SMARCC2: variants seen among roughly 807,000 people sequenced by gnomAD.
SMARCC2 encodes the protein SWI/SNF related BAF chromatin remodeling complex subunit C2.
In SMARCC2, 15 loss-of-function variants were observed where a neutral mutation model predicts 151.3. That is an observed-to-expected ratio of 0.10 (90% confidence interval 0.07 to 0.15). The LOEUF (loss-of-function observed/expected upper bound fraction) is 0.15, where lower values mean the gene tolerates loss of function less well. SMARCC2 is among the 10% of genes least tolerant of loss of function. SMARCC2 has a pLI of 1.00. For synonymous variants in SMARCC2, 590 were observed against 609.5 expected, an observed-to-expected ratio of 0.97 and a Z score of 0.47; for missense variants, 1,031 against 1,599.7, an observed-to-expected ratio of 0.64 and a Z score of 6.06.
At chr12:56,189,054 G>C (rs1592334129) in intron 1 of SMARCC2, among the ~76,000 whole-genome samples, 1 of 152,084 alleles carries the variant, frequency 6.6e-6, no homozygotes, top group Middle Eastern at 3.4e-3. Context: ...AAAGCCAGGA[G>C]GGCGATGGCT....
chr12:56,167,146 G>A (rs1218799206), intron 26 of SMARCC2, among the ~76,000 whole-genome samples: 2 of 150,848 alleles, frequency 1.3e-5, no homozygotes, highest in Non-Finnish European at 2.9e-5. Context: ...GAGATCGGGA[G>A]TTCGAGACCA....
rs1365686398 is a variant in SMARCC2, at chr12:56,163,013, A to G, written c.*676T>C. 6.6e-6 allele frequency: 1 copy of G among 152,356 alleles called. No homozygotes were observed. The highest frequency in any genetic ancestry group is 2.4e-5 in the African/African-American group (1 of 41,446). The allele number at this position is 152,356 out of a possible 1,614,324, so 9.4% of individuals were successfully genotyped here. ...AGTGACTTTTAAAAACAAAACTGAC[A>G]TTCAGAGGGAAAGGAATCATTGGCT... On this transcript the variant is annotated 3_prime_UTR_variant, in exon 29 of 29. Transcript: ENST00000550164.
chr12:56,164,767 A>T, intron 27 of SMARCC2, 36 bp from the exon 28 acceptor site: 1 of 1,511,484 alleles, frequency 6.6e-7, no homozygotes, highest in Non-Finnish European at 8.9e-7. Flanking sequence ...AAAATTAGGT[A>T]TAAAATTTTG....
intron 26 of SMARCC2, 23 bp from the exon 27 acceptor site, chr12:56,165,722 G>A: frequency 6.2e-7 from 1 of 1,603,044 alleles, no homozygotes; most frequent in South Asian, 1.1e-5. Flanking sequence ...ATTGAGTATT[G>A]TTATCCAATT....
In SMARCC2 at chr12:56,181,508, T is replaced by C; in HGVS notation, c.930A>G (p.Glu310=). Reference sequence around the variant, plus strand: ...CTTTCTTAGCATTTTTCTTCTTTGCTTCTGGGGTTGGTGAAGGAGAGGGGG... The same window carrying C: ...CTTTCTTAGCATTTTTCTTCTTTGCCTCTGGGGTTGGTGAAGGAGAGGGGG... ...KRSPSPSPTP[E]AKKKNAKKGP... The change falls in exon 10 of 29, where the codon GAA becomes GAG. Residue 310 remains glutamate, a synonymous_variant. Coordinates refer to ENST00000550164, the MANE Select transcript of SMARCC2 (RefSeq NM_001330288.2). 6.4e-7 allele frequency: 1 copy of C among 1,554,804 alleles called. No homozygotes were observed. The highest frequency in any genetic ancestry group is 8.7e-7 in the Non-Finnish European group (1 of 1,155,506).
In SMARCC2 at chr12:56,179,020, T is replaced by C. The variant is rs761745452; in HGVS notation, c.1118A>G (p.Lys373Arg). The C allele has an allele frequency of 6.2e-7, 1 of 1,614,192 alleles. No homozygotes were observed. Among genetic ancestry groups the C allele is most frequent in the South Asian group, 1.1e-5 (1 of 91,082 alleles). The change falls in exon 12 of 29, where the codon AAA (lysine) becomes AGA (arginine). Residue 373 changes from lysine to arginine, a missense_variant. Around this residue, in one of 12 missense-constraint regions of SMARCC2, gnomAD observed 127 missense variants for 141.7 expected, o/e 0.90. Transcript: ENST00000550164. Reference protein sequence around the residue: ...TKKDSESAPVKGGTMTDLDEQ... With the variant: ...TKKDSESAPVRGGTMTDLDEQ... ...ACCCAGGTCGGTCATGGTGCCGCCT[T>C]TGACTGGGGCCGACTCTGAGTCTTT...
intron 26 of SMARCC2, among the ~76,000 whole-genome samples, chr12:56,167,283 C>T (rs1445668480): frequency 2.6e-5 from 4 of 151,472 alleles, no homozygotes; most frequent in Non-Finnish European, 5.9e-5. Context: ...AGGAGGCGGA[C>T]GTTGTGGTGA....
At position 56,163,740 on chromosome 12, in the gene SMARCC2, G is replaced by T. The variant is rs544080346; in HGVS notation, c.3687C>A (p.Asp1229Glu). 1.3e-6 allele frequency: 2 copies of T among 1,513,752 alleles called. No individual in the cohort carries two copies. Among genetic ancestry groups the T allele is most frequent in the Non-Finnish European group, 1.8e-6 (2 of 1,141,938 alleles). 93.8% of individuals were successfully genotyped at this position (1,513,752 alleles called of 1,614,324 possible). A position where few individuals can be genotyped will look rare whatever the true frequency, so the allele number is the denominator to read the frequency against. The change falls in exon 29 of 29, where the codon GAC becomes GAA. Residue 1229 changes from aspartate to glutamate, a missense_variant. By Grantham distance (45) the Asp-to-Glu change is conservative. Transcript: ENST00000550164. ...CCGTGCCTGGGCTCGGGGCTGTGGG[G>T]TCTGGAGGCAGGGGGGTGCCTGGGT... is the stretch of plus-strand genomic sequence containing the variant. Reference protein sequence around the residue: ...LPDPGTPLPPDPTAPSPGTVT... With the variant: ...LPDPGTPLPPEPTAPSPGTVT...
intron 14 of SMARCC2, 119 bp downstream of exon 14, chr12:56,178,285 T>C: frequency 3.3e-6 from 4 of 1,207,900 alleles, no homozygotes; most frequent in Non-Finnish European, 4.8e-6. Context: ...TAAAGTGTAC[T>C]CTGGTCTATT....
Position 56,164,393 on chromosome 12 carries a change from CGA to C in SMARCC2, c.3569_3570del (p.Leu1190ArgfsTer94). On this transcript the variant is annotated frameshift_variant, in exon 28 of 29. Transcript: ENST00000550164. LOFTEE classifies it high-confidence loss of function. ...ATTTMPSSLP[L>X]GPGLGSAAAQ... The stretch of plus-strand genomic sequence containing the variant: ...GCTGCGGCGGATCCGAGCCCCGGCC[CGA>C]GAGGCAAGGAAGATGGCATGGTGGT... 1 of 1,613,832 alleles carries C rather than the reference CGA, an allele frequency of 6.2e-7. No individual in the cohort carries two copies. The highest frequency in any genetic ancestry group is 8.5e-7 in the Non-Finnish European group (1 of 1,180,022).
chr12:56,168,452 G>A (rs1233956715), intron 25 of SMARCC2, among the ~76,000 whole-genome samples: 5 of 150,864 alleles, frequency 3.3e-5, no homozygotes, highest in Non-Finnish European at 7.4e-5. Flanking sequence ...TCAGCTCACT[G>A]TAACCTCTAC....
At chr12:56,169,468 G>A (rs1282267503) in intron 25 of SMARCC2, 61 bp downstream of exon 25, 1 of 1,554,504 alleles carries the variant, frequency 6.4e-7, no homozygotes, top group Non-Finnish European at 8.8e-7. Flanking sequence ...TTTCCTCTAA[G>A]TGAGATGAGA....
rs368632625 is a variant in SMARCC2 at position 56,178,980 on chromosome 12, A to G, written c.1141+17T>C. On this transcript the variant is annotated intron_variant, in intron 12 of 28. Transcript: ENST00000550164. Reference sequence around the variant, plus strand: ...CCCTTGGCTCTGACTGCCGTGCCCAAGAGGCTCCTGTCTTACCCAGGTCGG... The same window carrying G: ...CCCTTGGCTCTGACTGCCGTGCCCAGGAGGCTCCTGTCTTACCCAGGTCGG... 6.6e-5 allele frequency: 107 copies of G among 1,613,704 alleles called. No individual in the cohort carries two copies. Among genetic ancestry groups the G allele is most frequent in the Non-Finnish European group, 8.6e-5 (101 of 1,179,708 alleles).
chr12:56,179,710 G>A lies in SMARCC2; in HGVS notation c.1082-654C>T, dbSNP rs1045339112. On this transcript the variant is annotated intron_variant, in intron 11 of 28. Coordinates refer to ENST00000550164, the MANE Select transcript of SMARCC2 (RefSeq NM_001330288.2). ...GTTTTTTGTTTTGTTTTTTTGAGAC[G>A]GAGTCTCGCTCTGTCGCCCAGGCTG... Among the ~76,000 whole-genome samples, 22 of 152,102 alleles carry A rather than the reference G, an allele frequency of 1.4e-4. 1 individual carries two copies. The highest frequency in any genetic ancestry group is 1.4e-3 in the Admixed American group (21 of 15,274).
intron 2 of SMARCC2, chr12:56,186,923 C>CT: frequency 3.4e-6 from 1 of 290,214 alleles, no homozygotes; most frequent in Non-Finnish European, 6.6e-6. Context: ...CTCAAGTCCC[C>CT]TTTTAACCAT....
intron 10 of SMARCC2, 177 bp from the exon 11 acceptor site, chr12:56,181,278 C>A (rs1876146897): frequency 1.5e-6 from 1 of 677,846 alleles, no homozygotes; most frequent in Non-Finnish European, 2.5e-6. Context: ...TGATAAAGCT[C>A]TCTTTAAATG....
chr12:56,173,166 A>ATT, intron 17 of SMARCC2, 137 bp from the exon 18 acceptor site: 1 of 682,750 alleles, frequency 1.5e-6, no homozygotes, highest in South Asian at 1.6e-5. Context: ...TCCCTTCATG[A>ATT]TTAATAAGAC....
chr12:56,180,703 C>T (rs763696410), intron 11 of SMARCC2, among the ~76,000 whole-genome samples: 5 of 152,194 alleles, frequency 3.3e-5, no homozygotes, highest in East Asian at 1.9e-4. Flanking sequence ...CGTGCCTGGC[C>T]ATGCTCAAAT....
intron 26 of SMARCC2, among the ~76,000 whole-genome samples, 194 bp downstream of exon 26, chr12:56,167,866 C>T (rs1873099958): frequency 6.7e-6 from 1 of 148,232 alleles, no homozygotes; most frequent in African/African-American, 2.6e-5. Context: ...AGGCTTTCCC[C>T]ACTGTTGCTT....
Sources: allele counts gnomAD v4.1 joint callset (sites outside exome capture counted in the v4.1 genomes callset), GRCh38; gene constraint gnomAD v4.1.1; regional missense constraint gnomAD v4.1.1; transcripts MANE v1.5; gene names NCBI Gene and HGNC (gene_info 2026-07-23, HGNC 2026-07-21).